ARMC2: variants seen among roughly 807,000 people sequenced by gnomAD.
ARMC2 encodes the protein armadillo repeat containing 2.
Under a neutral mutation model 90.3 loss-of-function variants are expected in ARMC2, and 67 were observed. The observed-to-expected ratio is 0.74, with a 90% CI of 0.61 to 0.91. The LOEUF (loss-of-function observed/expected upper bound fraction) is 0.91. Ranked by LOEUF, ARMC2 falls within the 40% of genes least tolerant of loss-of-function variation. The pLI is 0.00. For missense variants in ARMC2, 920 were observed against 1,030.9 expected (o/e 0.89, Z 1.47); for synonymous variants, 393 against 393.0 (o/e 1.00, Z 0.00).
At chr6:108,985,390 C>A in the ARMC2 span, among the ~76,000 whole-genome samples, 1 of 151,988 alleles carries the variant, frequency 6.6e-6, no homozygotes. Flanking sequence ...TTTTGATATC[C>A]CCAGTGTAAT....
intron 11 of ARMC2, among the ~76,000 whole-genome samples, chr6:108,934,141 G>A (rs1193629719): frequency 2.0e-5 from 3 of 152,168 alleles, no homozygotes; most frequent in African/African-American, 7.2e-5. Context: ...GATTACAGGC[G>A]TGAGCCACCT....
At chr6:109,025,900 T>C in the ARMC2 span, among the ~76,000 whole-genome samples, 2 of 150,288 alleles carry the variant, frequency 1.3e-5, no homozygotes, top group African/African-American at 4.9e-5. Context: ...GGTAATATTC[T>C]AAGACACGAT....
At chr6:108,890,809 G>A (rs1307473265) in intron 5 of ARMC2, among the ~76,000 whole-genome samples, 1 of 152,102 alleles carries the variant, frequency 6.6e-6, no homozygotes, top group Admixed American at 6.6e-5. Context: ...TGTGCAGAAA[G>A]TGCAGTTTCA....
intron 11 of ARMC2, among the ~76,000 whole-genome samples, chr6:108,928,936 C>T (rs191699251): frequency 1.3e-3 from 194 of 152,178 alleles, no homozygotes; most frequent in African/African-American, 4.1e-3. Context: ...TGGTACTTGA[C>T]CCCAGGACCC....
intron 13 of ARMC2, among the ~76,000 whole-genome samples, chr6:108,958,405 A>G (rs1471405298): frequency 6.6e-6 from 1 of 152,210 alleles, no homozygotes; most frequent in African/African-American, 2.4e-5. Flanking sequence ...TGAGGGTTAC[A>G]TGCATGGTAA....
chr6:108,956,717 C>T (rs769399891), intron 13 of ARMC2, among the ~76,000 whole-genome samples: 2 of 150,568 alleles, frequency 1.3e-5, no homozygotes, highest in Non-Finnish European at 1.5e-5. Context: ...AAAGTCCGGG[C>T]GCAGTGGCTC....
chr6:108,915,820 G>C (rs1387472336), intron 10 of ARMC2, among the ~76,000 whole-genome samples: 1 of 152,142 alleles, frequency 6.6e-6, no homozygotes, highest in Non-Finnish European at 1.5e-5. Context: ...GTGAGTGCAT[G>C]GGGGGACGAG....
intron 7 of ARMC2, among the ~76,000 whole-genome samples, chr6:108,900,608 A>G (rs547150111): frequency 1.5e-3 from 236 of 152,260 alleles, no homozygotes; most frequent in African/African-American, 5.1e-3. Flanking sequence ...CAGCAACCAA[A>G]CAGAGATGTG....
chr6:108,994,658 T>A, the ARMC2 span: 1 of 1,404,940 alleles, frequency 7.1e-7, no homozygotes, highest in Non-Finnish European at 9.7e-7. Flanking sequence ...ATAGAATATA[T>A]ATGAATTATC....
Position 108,894,505 on chromosome 6 carries a change from C to G in ARMC2, c.710C>G (p.Pro237Arg). The G allele has an allele frequency of 6.2e-7, 1 of 1,611,604 alleles. No individual in the cohort carries two copies. The highest frequency in any genetic ancestry group is 8.5e-7 in the Non-Finnish European group (1 of 1,178,924). The change falls in exon 6 of 18, where the codon CCC becomes CGC. Residue 237 changes from proline (P) to arginine (R), a missense_variant. Transcript: ENST00000392644. ...GKRHARASSCPSSSDLSRLQT... is the reference protein window; with the variant it reads ...GKRHARASSCRSSSDLSRLQT... Reference sequence around the variant, plus strand: ...AGACATGCGAGGGCCTCATCATGCCCCAGTAGCTCAGACCTGAGCAGGCTG... The same window carrying G: ...AGACATGCGAGGGCCTCATCATGCCGCAGTAGCTCAGACCTGAGCAGGCTG...
the ARMC2 span, among the ~76,000 whole-genome samples, chr6:109,014,731 T>C: frequency 3.9e-5 from 6 of 152,184 alleles, no homozygotes; most frequent in African/African-American, 1.2e-4. Flanking sequence ...TCAGTGTCTC[T>C]TTCTGGGCCT....
At chr6:109,027,944 T>C in the ARMC2 span, among the ~76,000 whole-genome samples, 1 of 152,242 alleles carries the variant, frequency 6.6e-6, no homozygotes, top group Non-Finnish European at 1.5e-5. Context: ...TGCTGTGTTC[T>C]TTATATTATT....
intron 6 of ARMC2, among the ~76,000 whole-genome samples, chr6:108,898,486 G>A (rs1277699874): frequency 2.0e-5 from 3 of 152,232 alleles, no homozygotes; most frequent in African/African-American, 7.2e-5. Context: ...AGAGAAGAGA[G>A]ACTGAGGAAT....
chr6:109,040,844 G>T, the ARMC2 span, among the ~76,000 whole-genome samples: 1 of 151,688 alleles, frequency 6.6e-6, no homozygotes, highest in Non-Finnish European at 1.5e-5. Context: ...AGTAGAGACG[G>T]GGTTTCACCG....
Position 108,928,038 on chromosome 6 carries a change from T to A in ARMC2, c.1351-50T>A, listed in dbSNP as rs756585194. 2.0e-6 allele frequency: 3 copies of A among 1,538,214 alleles called. No individual in the cohort carries two copies. The Admixed American group carries it at 6.1e-5, about 31-fold the overall frequency. ...AATTGTACTATGCTGTTTCGTGTGG[T>A]TATATTTTTTCAGTTCAAAAAAAAT... On this transcript the variant is annotated intron_variant, in intron 10 of 17. Transcript: ENST00000392644.
intron 11 of ARMC2, among the ~76,000 whole-genome samples, chr6:108,934,454 T>C (rs933964810): frequency 1.3e-5 from 2 of 152,170 alleles, no homozygotes; most frequent in African/African-American, 4.8e-5. Flanking sequence ...TTGACCTGTA[T>C]TTTTCTCTTC....
intron 11 of ARMC2, among the ~76,000 whole-genome samples, chr6:108,936,595 G>A (rs938787467): frequency 1.3e-5 from 2 of 152,170 alleles, no homozygotes; most frequent in African/African-American, 2.4e-5. Context: ...TGTGGTCTCA[G>A]GGGACTCACT....
Position 108,945,485 on chromosome 6 carries a change from C to T in ARMC2, c.1597-7548C>T, listed in dbSNP as rs1041966967. 1.2e-4 allele frequency among the ~76,000 whole-genome samples: 18 copies of T among 152,342 alleles called. No individual in the cohort carries two copies. The East Asian group carries it at 2.1e-3, about 18-fold the overall frequency. ...TCCATTGACCATTTAACTCTCTCCA[C>T]GTTTAGATACGGTTAATTTCTTGTT... On this transcript the variant is annotated intron_variant, in intron 12 of 17. Coordinates refer to ENST00000392644, the MANE Select transcript of ARMC2 (RefSeq NM_032131.6).
chr6:109,003,173 T>C, the ARMC2 span, among the ~76,000 whole-genome samples: 1 of 151,950 alleles, frequency 6.6e-6, no homozygotes, highest in Admixed American at 6.6e-5. Context: ...TTCAACTTTT[T>C]GTTGTTTTGA....
Sources: allele counts gnomAD v4.1 joint callset (sites outside exome capture counted in the v4.1 genomes callset), GRCh38; gene constraint gnomAD v4.1.1; transcripts MANE v1.5; gene names NCBI Gene and HGNC (gene_info 2026-07-23, HGNC 2026-07-21).